ANKH: variants seen among roughly 807,000 people sequenced by gnomAD.
ANKH encodes mineralization regulator ANKH.
ANKH carries 15 observed loss-of-function variants against 49.0 expected under a neutral mutation model. The ratio of observed to expected loss-of-function variants is 0.31; its 90% CI spans 0.20 to 0.47. The LOEUF (loss-of-function observed/expected upper bound fraction) is 0.47, where lower values mean the gene tolerates loss of function less well. Among genes scored for constraint, ANKH ranks in the 20% least tolerant of loss-of-function variants. The pLI, the probability that ANKH is intolerant of heterozygous loss-of-function variation, is 1.00. For synonymous variants in ANKH, 273 were observed against 260.0 expected (o/e 1.05, Z -0.48); for missense variants, 429 against 652.0 (o/e 0.66, Z 3.72).
chr5:14,729,504 C>T (rs899709044), intron 8 of ANKH, among the ~76,000 whole-genome samples: 42 of 150,894 alleles, frequency 2.8e-4, no homozygotes, highest in African/African-American at 1.0e-3. Context: ...AAAAAAAAGT[C>T]TTCTAATTGA....
chr5:14,824,375 T>C lies in ANKH; in HGVS notation c.96+46977A>G, dbSNP rs530699521. 3.9e-5 allele frequency among the ~76,000 whole-genome samples: 6 copies of C among 152,296 alleles called. No homozygotes were observed. In the South Asian group the frequency reaches 1.2e-3, roughly 32 times the overall value. ...AAGGGCAACAACGGCTGGGTGATTT[T>C]TTCCAATAATAGAGATATAAAAAAG... On this transcript the variant is annotated intron_variant, in intron 1 of 11. Coordinates refer to ENST00000284268, the MANE Select transcript of ANKH (RefSeq NM_054027.6).
intron 1 of ANKH, among the ~76,000 whole-genome samples, chr5:14,833,710 G>A (rs1368640909): frequency 6.6e-6 from 1 of 152,196 alleles, no homozygotes; most frequent in African/African-American, 2.4e-5. Flanking sequence ...TGAGGGAAGT[G>A]AGCCAAACTG....
chr5:14,802,082 G>A (rs1015151460), intron 1 of ANKH, among the ~76,000 whole-genome samples: 19 of 152,058 alleles, frequency 1.2e-4, no homozygotes, highest in Non-Finnish European at 5.9e-5. Flanking sequence ...CCGGGTCAAT[G>A]TTCCTACCTG....
At chr5:14,778,843 T>C (rs926816243) in intron 1 of ANKH, among the ~76,000 whole-genome samples, 4 of 152,160 alleles carry the variant, frequency 2.6e-5, no homozygotes, top group African/African-American at 9.7e-5. Flanking sequence ...CTTTGAGAGT[T>C]GCTGGAAACG....
intron 1 of ANKH, among the ~76,000 whole-genome samples, chr5:14,793,049 A>AATAT (rs1740244789): frequency 5.4e-5 from 2 of 36,922 alleles, no homozygotes; most frequent in African/African-American, 1.9e-4. Flanking sequence ...TATATATATA[A>AATAT]ATATATATAA....
intron 1 of ANKH, chr5:14,868,702 C>A (rs1413987131): frequency 6.7e-6 from 1 of 149,828 alleles, no homozygotes; most frequent in East Asian, 1.9e-4. Context: ...AGCTATAGCA[C>A]CTGGCCTTTT....
chr5:14,779,772 C>A (rs115486555), intron 1 of ANKH, among the ~76,000 whole-genome samples: 1 of 152,184 alleles, frequency 6.6e-6, no homozygotes, highest in Admixed American at 6.5e-5. Flanking sequence ...TAGTTCTGAT[C>A]GTTTCTCAAT....
intron 1 of ANKH, among the ~76,000 whole-genome samples, chr5:14,833,854 T>A (rs1174832352): frequency 6.6e-6 from 1 of 152,200 alleles, no homozygotes; most frequent in Non-Finnish European, 1.5e-5. Context: ...GTTGGGGCCC[T>A]GCAGTCCTCC....
intron 2 of ANKH, among the ~76,000 whole-genome samples, chr5:14,766,320 C>T (rs913457519): frequency 2.0e-5 from 3 of 152,110 alleles, no homozygotes; most frequent in African/African-American, 7.2e-5. Context: ...TGATTGAGCC[C>T]ACGAGTTCAA....
intron 8 of ANKH, among the ~76,000 whole-genome samples, chr5:14,724,976 A>G (rs1446449505): frequency 6.6e-6 from 1 of 152,200 alleles, no homozygotes; most frequent in African/African-American, 2.4e-5. Flanking sequence ...AAAGTCAAAC[A>G]TATGCAGCTG....
rs552646975 is a variant in ANKH, at chr5:14,742,015, T to C, written c.916-93A>G. ...TGAAGAGCATCTTGCTTTTGTTTTA[T>C]CTGATGTGTCTGAATTAGAGGTTTC... On this transcript the variant is annotated intron_variant, in intron 7 of 11. Coordinates refer to ENST00000284268, the MANE Select transcript of ANKH (RefSeq NM_054027.6). The C allele has an allele frequency of 4.0e-5, 37 of 931,216 alleles. 1 individual carries two copies. The East Asian group carries it at 8.2e-4, about 21-fold the overall frequency. 57.7% of individuals were successfully genotyped at this position (931,216 alleles called of 1,614,324 possible).
At chr5:14,757,925 G>A (rs1262973821) in intron 3 of ANKH, among the ~76,000 whole-genome samples, 2 of 152,122 alleles carry the variant, frequency 1.3e-5, no homozygotes, top group African/African-American at 4.8e-5. Flanking sequence ...TTCCACTTCT[G>A]GGTATATACC....
intron 9 of ANKH, among the ~76,000 whole-genome samples, chr5:14,715,734 G>T (rs1235917592): frequency 1.3e-5 from 2 of 149,234 alleles, no homozygotes; most frequent in East Asian, 3.8e-4. Context: ...CTACATATTT[G>T]CTATGGAAAT....
At chr5:14,800,371 T>C (rs867491628) in intron 1 of ANKH, among the ~76,000 whole-genome samples, 20 of 152,274 alleles carry the variant, frequency 1.3e-4, no homozygotes. Context: ...ATTTCAGTTT[T>C]GAAAGAAGTT....
At chr5:14,746,780 T>C (rs1287420805) in intron 6 of ANKH, among the ~76,000 whole-genome samples, 4 of 152,210 alleles carry the variant, frequency 2.6e-5, no homozygotes, top group African/African-American at 4.8e-5. Flanking sequence ...GGAAGCAAGA[T>C]GGAGTCAGTT....
chr5:14,709,013 C>T lies in ANKH; in HGVS notation c.*2184G>A, dbSNP rs1287739675. On this transcript the variant is annotated 3_prime_UTR_variant, in exon 12 of 12. Coordinates refer to ENST00000284268, the MANE Select transcript of ANKH (RefSeq NM_054027.6). ...GATCAAGCAAATTCTCCTGCCTCAG[C>T]CTCCTGAGTAGCTGGGATTACAGGT... 1 of 152,156 alleles carries T rather than the reference C, an allele frequency of 6.6e-6. No individual in the cohort carries two copies. The allele number at this position is 152,156 out of a possible 1,614,324, so 9.4% of individuals were successfully genotyped here. A position where few individuals can be genotyped will look rare whatever the true frequency, so the allele number is the denominator to read the frequency against.
At chr5:14,862,587 A>C (rs1344309941) in intron 1 of ANKH, among the ~76,000 whole-genome samples, 1 of 152,160 alleles carries the variant, frequency 6.6e-6, no homozygotes, top group African/African-American at 2.4e-5. Flanking sequence ...AGGAGGTGAG[A>C]ACATCCAGAT....
chr5:14,731,258 C>T (rs1000606230), intron 8 of ANKH, among the ~76,000 whole-genome samples: 2 of 152,132 alleles, frequency 1.3e-5, no homozygotes, highest in Non-Finnish European at 2.9e-5. Flanking sequence ...AAGGGGCAGC[C>T]TGGTGCACAC....
Position 14,783,279 on chromosome 5 carries a change from G to A in ANKH, c.97-14088C>T, listed in dbSNP as rs181937175. ...AGACACTGTGGCACAGAAGAGGGTC[G>A]CCACCATTCTACACACACACACACA... On this transcript the variant is annotated intron_variant, in intron 1 of 11. Coordinates refer to ENST00000284268, the MANE Select transcript of ANKH (RefSeq NM_054027.6). Among the ~76,000 whole-genome samples the A allele has an allele frequency of 8.7e-3, 1,123 of 128,466 alleles. 5 individuals carry two copies. The highest frequency in any genetic ancestry group is 0.017 in the Admixed American group (191 of 11,574). 84.3% of individuals were successfully genotyped at this position (128,466 alleles called of 152,430 possible).
Sources: allele counts gnomAD v4.1 joint callset (sites outside exome capture counted in the v4.1 genomes callset), GRCh38; gene constraint gnomAD v4.1.1; transcripts MANE v1.5; gene names NCBI Gene and HGNC (gene_info 2026-07-23, HGNC 2026-07-21).